STAMBPL1: variants seen among roughly 807,000 people sequenced by gnomAD.
STAMBPL1 encodes the protein STAM binding protein like 1.
In STAMBPL1, 44 loss-of-function variants were observed where a neutral mutation model predicts 52.9. The observed-to-expected ratio is 0.83, with a 90% CI of 0.65 to 1.07. The LOEUF is 1.07. Among genes scored for constraint, STAMBPL1 ranks in the 50% least tolerant of loss-of-function variants. STAMBPL1 has a pLI of 0.00. For missense variants in STAMBPL1, 511 were observed against 520.8 expected (o/e 0.98, Z 0.18); for synonymous variants, 164 against 177.3 (o/e 0.92, Z 0.60).
chr10:88,885,460 T>C (rs796190603), intron 1 of STAMBPL1, among the ~76,000 whole-genome samples: 5 of 152,334 alleles, frequency 3.3e-5, no homozygotes, highest in African/African-American at 1.2e-4. Context: ...ATTTTCTGGG[T>C]CTTTACCCTA....
intron 4 of STAMBPL1, among the ~76,000 whole-genome samples, chr10:88,909,662 C>T (rs374506414): frequency 1.2e-4 from 19 of 152,154 alleles, no homozygotes; most frequent in African/African-American, 3.6e-4. Context: ...AGTGAAGTGG[C>T]GCAATCTCGG....
chr10:88,888,136 T>G (rs991261173), intron 1 of STAMBPL1, among the ~76,000 whole-genome samples: 2 of 152,196 alleles, frequency 1.3e-5, no homozygotes, highest in Non-Finnish European at 2.9e-5. Flanking sequence ...TGTACATTCT[T>G]CTGAGTGACA....
At chr10:88,909,596 ATTAT>A (rs564365021) in intron 4 of STAMBPL1, among the ~76,000 whole-genome samples, 1 of 151,980 alleles carries the variant, frequency 6.6e-6, no homozygotes, top group African/African-American at 2.4e-5. Context: ...GGTCATCTAC[ATTAT>A]TTATTTATTT....
rs1845279852 is a variant in STAMBPL1, at chr10:88,913,404, TCTC to T, written c.730_732del (p.Pro244del). The T allele has an allele frequency of 6.2e-7, 1 of 1,613,680 alleles. No individual in the cohort carries two copies. Among genetic ancestry groups the T allele is most frequent in the Middle Eastern group, 1.7e-4 (1 of 6,052 alleles). On this transcript the variant is annotated inframe_deletion, in exon 6 of 11. Coordinates refer to ENST00000371926, the MANE Select transcript of STAMBPL1 (RefSeq NM_020799.4). ...TGATGCAACCAATTATGCTAGCCAC[TCTC>T]CTCCTGTAAACAGGGCCTTAACGCC...
intron 5 of STAMBPL1, among the ~76,000 whole-genome samples, chr10:88,911,393 C>A (rs986854895): frequency 2.0e-5 from 3 of 152,110 alleles, no homozygotes; most frequent in Non-Finnish European, 2.9e-5. Context: ...ATGATGTAGG[C>A]CTTAGAAATG....
intron 1 of STAMBPL1, among the ~76,000 whole-genome samples, chr10:88,898,812 C>T (rs548243721): frequency 6.6e-6 from 1 of 152,356 alleles, no homozygotes; most frequent in South Asian, 2.1e-4. Context: ...GCATATCCCA[C>T]TGCCTCCTAC....
At chr10:88,890,598 A>G (rs1229790168) in intron 1 of STAMBPL1, among the ~76,000 whole-genome samples, 1 of 152,236 alleles carries the variant, frequency 6.6e-6, no homozygotes, top group Admixed American at 6.5e-5. Context: ...AGCGTTTGCC[A>G]GATATTTGTG....
chr10:88,913,145 A>C lies in STAMBPL1; in HGVS notation c.465A>C (p.Arg155Ser). The C allele has an allele frequency of 6.2e-7, 1 of 1,611,738 alleles. No individual in the cohort carries two copies. Among genetic ancestry groups the C allele is most frequent in the Non-Finnish European group, 8.5e-7 (1 of 1,178,948 alleles). The part of the protein sequence containing the change: ...AEILKKLEHQ[R>S]LIEAERKRIA... Reference sequence around the variant, plus strand: ...TTCTCAAAAAATTGGAGCATCAGAGATTGATAGAGGCAGAAAGGAAGCGGA... The same window carrying C: ...TTCTCAAAAAATTGGAGCATCAGAGCTTGATAGAGGCAGAAAGGAAGCGGA... Residue 155 changes from arginine to serine, a missense_variant, in exon 6 of 11, where the codon AGA becomes AGC. By Grantham distance (110) the Arg-to-Ser change is moderately radical. Around this residue, in one of 3 missense-constraint regions of STAMBPL1, gnomAD observed 358 missense variants for 343.5 expected, o/e 1.04. Transcript: ENST00000371926.
chr10:88,910,894 T>C, intron 4 of STAMBPL1, 22 bp from the exon 5 acceptor site: 1 of 1,501,242 alleles, frequency 6.7e-7, no homozygotes, highest in Non-Finnish European at 9.0e-7. Flanking sequence ...CACTAATCAA[T>C]ATGTATATAT....
chr10:88,912,425 A>G (rs532188276), intron 5 of STAMBPL1: 6 of 152,334 alleles, frequency 3.9e-5, no homozygotes, highest in South Asian at 2.1e-4. Flanking sequence ...CCTTTTTAGC[A>G]AAACTCTGGG....
At chr10:88,906,044 G>T (rs1272759750) in intron 3 of STAMBPL1, among the ~76,000 whole-genome samples, 2 of 152,178 alleles carry the variant, frequency 1.3e-5, no homozygotes, top group Admixed American at 6.5e-5. Flanking sequence ...CCTAGAACAT[G>T]CCATCAACAT....
chr10:88,885,831 T>G (rs745562663), intron 1 of STAMBPL1, among the ~76,000 whole-genome samples: 1 of 152,250 alleles, frequency 6.6e-6, no homozygotes, highest in Non-Finnish European at 1.5e-5. Context: ...AATTCTTAAC[T>G]CCTTCAGAGC....
intron 1 of STAMBPL1, among the ~76,000 whole-genome samples, chr10:88,898,541 A>G (rs1844867296): frequency 6.6e-6 from 1 of 152,230 alleles, no homozygotes; most frequent in Non-Finnish European, 1.5e-5. Context: ...GGTTCAAAAA[A>G]TAAGTTGACT....
Position 88,923,372 on chromosome 10 carries a change from A to G in STAMBPL1, c.*148A>G. ...AGCTTGATATTTATTGCTGTTGCAC[A>G]TTTTAAAGTTTTCTTTTTGGGTTGC... On this transcript the variant is annotated 3_prime_UTR_variant, in exon 11 of 11. Coordinates refer to ENST00000371926, the MANE Select transcript of STAMBPL1 (RefSeq NM_020799.4). The G allele has an allele frequency of 2.9e-6, 4 of 1,379,416 alleles. 1 individual carries two copies. In the South Asian group the frequency reaches 5.5e-5, roughly 19 times the overall value. The allele number at this position is 1,379,416 out of a possible 1,614,324, so 85.4% of individuals were successfully genotyped here.
At chr10:88,914,397 TA>T in intron 6 of STAMBPL1, 136 bp from the exon 7 acceptor site, 1 of 527,530 alleles carries the variant, frequency 1.9e-6, no homozygotes, top group South Asian at 6.8e-5. Flanking sequence ...AGTTTTAAAA[TA>T]AAATATGGAA....
At chr10:88,913,892 G>C (rs1845299267) in intron 6 of STAMBPL1, among the ~76,000 whole-genome samples, 1 of 152,178 alleles carries the variant, frequency 6.6e-6, no homozygotes, top group Admixed American at 6.5e-5. Context: ...TCCTTGGACT[G>C]AGAGAATCTC....
At chr10:88,905,755 A>G (rs1838337127) in intron 3 of STAMBPL1, 95 bp downstream of exon 3, 11 of 916,928 alleles carry the variant, frequency 1.2e-5, no homozygotes, top group Non-Finnish European at 1.8e-5. Flanking sequence ...ATGTTTTCAT[A>G]TTCAGACCAA....
At position 88,910,907 on chromosome 10, in the gene STAMBPL1, T is replaced by A. The variant is rs778307127; in HGVS notation, c.325-9T>A. The A allele has an allele frequency of 1.3e-6, 2 of 1,566,254 alleles. No individual in the cohort carries two copies. Among genetic ancestry groups the A allele is most frequent in the Non-Finnish European group, 1.7e-6 (2 of 1,158,394 alleles). ...CCCACTAATCAATATGTATATATAT[T>A]TTTAAAAGAAACTGAAGGAGATTGC... is the stretch of plus-strand genomic sequence containing the variant. On this transcript the variant is annotated splice_polypyrimidine_tract_variant and intron_variant, in intron 4 of 10. Transcript: ENST00000371926.
At chr10:88,921,796 T>C (rs1845519202) in intron 9 of STAMBPL1, among the ~76,000 whole-genome samples, 1 of 152,110 alleles carries the variant, frequency 6.6e-6, no homozygotes, top group Non-Finnish European at 1.5e-5. Context: ...AAAAAACATA[T>C]TGAAATCCTG....
Sources: gnomAD v4.1 joint callset for allele counts (sites outside exome capture counted in the v4.1 genomes callset) on GRCh38, gnomAD v4.1.1 for gene constraint, gnomAD v4.1.1 regional missense constraint, MANE v1.5 for transcripts, NCBI Gene and HGNC (gene_info 2026-07-23, HGNC 2026-07-21) for gene names.